The following ITGB6 variants were observed in gnomAD, a reference collection of about 807,000 sequenced individuals.
ITGB6 encodes integrin subunit beta 6, also known as integrin beta-6.
A neutral mutation model predicts 84.5 loss-of-function variants in ITGB6; 80 were observed. The ratio of observed to expected loss-of-function variants is 0.95; its 90% CI spans 0.79 to 1.14. The LOEUF (loss-of-function observed/expected upper bound fraction) is 1.14. Ranked by LOEUF, ITGB6 falls within the 50% of genes most tolerant of loss-of-function variation. The pLI is 0.00. For synonymous variants in ITGB6, 383 were observed against 354.9 expected (o/e 1.08, Z -0.89); for missense variants, 1,006 against 968.0 (o/e 1.04, Z -0.52).
intron 4 of ITGB6, among the ~76,000 whole-genome samples, chr2:160,175,065 CAA>C (rs1685364969): frequency 6.6e-6 from 1 of 152,132 alleles, no homozygotes; most frequent in Non-Finnish European, 1.5e-5. Flanking sequence ...TGTAGAAGCG[CAA>C]AGAGACAAAA....
intron 7 of ITGB6, among the ~76,000 whole-genome samples, chr2:160,162,266 CAT>C (rs1465484393): frequency 2.3e-4 from 35 of 152,096 alleles, no homozygotes; most frequent in African/African-American, 8.2e-4. Flanking sequence ...AAATATATAA[CAT>C]TGAGTCAAAA....
At chr2:160,151,409 C>T (rs1478498675) in intron 7 of ITGB6, among the ~76,000 whole-genome samples, 7 of 152,164 alleles carry the variant, frequency 4.6e-5, no homozygotes, top group African/African-American at 1.4e-4. Context: ...AGAACAAAGA[C>T]ACAACATACC....
At chr2:160,128,245 C>T (rs1369471937) in intron 10 of ITGB6, among the ~76,000 whole-genome samples, 1 of 146,338 alleles carries the variant, frequency 6.8e-6, no homozygotes, top group Non-Finnish European at 1.5e-5. Context: ...AATGCTTGAG[C>T]TAAATTTGAA....
intron 2 of ITGB6, among the ~76,000 whole-genome samples, chr2:160,198,623 T>C (rs575456613): frequency 1.3e-5 from 2 of 152,110 alleles, no homozygotes; most frequent in East Asian, 1.9e-4. Context: ...AGATAAGGAG[T>C]TCCTATTTGG....
At chr2:160,199,108 A>G (rs1686453194) in intron 2 of ITGB6, 71 bp downstream of exon 2, 1 of 1,260,716 alleles carries the variant, frequency 7.9e-7, no homozygotes, top group Non-Finnish European at 1.2e-6. Context: ...TATCAGAAAT[A>G]TCACTGAGGA....
intron 7 of ITGB6, among the ~76,000 whole-genome samples, chr2:160,154,146 T>C (rs929937439): frequency 6.6e-6 from 1 of 152,150 alleles, no homozygotes; most frequent in African/African-American, 2.4e-5. Context: ...ATGTTTATTG[T>C]GGCACTATTC....
At chr2:160,114,347 C>CT (rs1459946198) in intron 12 of ITGB6, among the ~76,000 whole-genome samples, 1 of 152,204 alleles carries the variant, frequency 6.6e-6, no homozygotes, top group Non-Finnish European at 1.5e-5. Flanking sequence ...ATGGATCTCT[C>CT]TTTTTTCCCT....
intron 7 of ITGB6, among the ~76,000 whole-genome samples, chr2:160,160,871 C>T (rs1474119254): frequency 6.6e-6 from 1 of 152,148 alleles, no homozygotes; most frequent in African/African-American, 2.4e-5. Context: ...CTGAATTATG[C>T]AGGAGTGCCC....
intron 13 of ITGB6, 114 bp downstream of exon 13, chr2:160,111,966 A>T: frequency 2.9e-6 from 3 of 1,049,578 alleles, no homozygotes; most frequent in Admixed American, 2.4e-5. Flanking sequence ...AAGAAACTTC[A>T]TCAAAATTTT....
intron 1 of ITGB6, among the ~76,000 whole-genome samples, chr2:160,199,756 A>C (rs1258180960): frequency 6.6e-6 from 1 of 152,230 alleles, no homozygotes; most frequent in Non-Finnish European, 1.5e-5. Context: ...TCCATTGGGC[A>C]GTAATGTTAT....
Position 160,137,535 on chromosome 2 carries a change from C to A in ITGB6, c.1559G>T (p.Gly520Val), listed in dbSNP as rs768254862. 11 of 1,614,058 alleles carry A rather than the reference C, an allele frequency of 6.8e-6. No homozygotes were observed. In the African/African-American group the frequency reaches 1.5e-4, roughly 22 times the overall value. Residue 520 changes from glycine to valine, a missense_variant, in exon 10 of 15, where the codon GGG becomes GTG. Gly to Val is a moderately radical substitution (Grantham distance 109). Coordinates refer to ENST00000283249, the MANE Select transcript of ITGB6 (RefSeq NM_000888.5). ...GGGAGACAAGTGGCAGATACACTGC[C>A]CACAGTAGCAGTCACCCCTTCCGCT... is the stretch of plus-strand genomic sequence containing the variant. ...SCSGRGDCYCGQCICHLSPYG... is the reference protein window; with the variant it reads ...SCSGRGDCYCVQCICHLSPYG...
At chr2:160,137,092 C>T (rs988223449) in intron 10 of ITGB6, among the ~76,000 whole-genome samples, 9 of 150,120 alleles carry the variant, frequency 6.0e-5, no homozygotes, top group African/African-American at 1.2e-4. Flanking sequence ...GTCAGTCAGA[C>T]ACAGCTGCTT....
In ITGB6 at chr2:160,101,453, AG is replaced by A; in HGVS notation, c.*282del. ...TTCAAACATTTTTCAAATGCAAATC[AG>A]GCCCCCATGAATCATTTGATGATTT... On this transcript the variant is annotated 3_prime_UTR_variant, in exon 15 of 15. Coordinates refer to ENST00000283249, the MANE Select transcript of ITGB6 (RefSeq NM_000888.5). 3.1e-6 allele frequency: 1 copy of A among 323,806 alleles called. No homozygotes were observed. Among genetic ancestry groups the A allele is most frequent in the Non-Finnish European group, 5.7e-6 (1 of 176,964 alleles). 20.1% of individuals were successfully genotyped at this position (323,806 alleles called of 1,614,324 possible).
At chr2:160,139,904 A>G (rs1156634703) in intron 8 of ITGB6, among the ~76,000 whole-genome samples, 5 of 152,224 alleles carry the variant, frequency 3.3e-5, no homozygotes, top group African/African-American at 9.6e-5. Flanking sequence ...TGATGATCAG[A>G]TAAGTACACA....
chr2:160,130,447 A>T (rs890212286), intron 10 of ITGB6, among the ~76,000 whole-genome samples: 43 of 152,176 alleles, frequency 2.8e-4, no homozygotes, highest in African/African-American at 9.2e-4. Context: ...TAATGGATTT[A>T]TCCAGACATA....
At chr2:160,102,026 A>G (rs1347125194) in intron 14 of ITGB6, among the ~76,000 whole-genome samples, 192 bp from the exon 15 acceptor site, 1 of 152,210 alleles carries the variant, frequency 6.6e-6, no homozygotes, top group Admixed American at 6.5e-5. Context: ...AATATACAGA[A>G]CAAGTCCCAT....
intron 10 of ITGB6, among the ~76,000 whole-genome samples, chr2:160,133,762 T>C (rs1044921867): frequency 6.6e-6 from 1 of 152,096 alleles, no homozygotes; most frequent in Admixed American, 6.6e-5. Context: ...CACTCGAAAC[T>C]GCTCAACTAC....
In ITGB6 at chr2:160,112,079, C is replaced by A; in HGVS notation, c.2101+1G>T. 1 of 1,612,098 alleles carries A rather than the reference C, an allele frequency of 6.2e-7. No homozygotes were observed. The highest frequency in any genetic ancestry group is 1.7e-5 in the Admixed American group (1 of 59,238). ...TCGGCAATGGAAGGCAAAACACCCA[C>A]CTTTTTCATTGATGCTGTGAATGAT... is the stretch of plus-strand genomic sequence containing the variant. On this transcript the variant is annotated splice_donor_variant, in intron 13 of 14. Transcript: ENST00000283249. LOFTEE classifies it high-confidence loss of function.
At chr2:160,182,627 C>G (rs1006431861) in intron 4 of ITGB6, among the ~76,000 whole-genome samples, 36 of 152,218 alleles carry the variant, frequency 2.4e-4, no homozygotes, top group African/African-American at 8.2e-4. Context: ...CATTCAAATT[C>G]AGGAAATACA....
Sources: allele counts gnomAD v4.1 joint callset (sites outside exome capture counted in the v4.1 genomes callset), GRCh38; gene constraint gnomAD v4.1.1; transcripts MANE v1.5; gene names NCBI Gene and HGNC (gene_info 2026-07-23, HGNC 2026-07-21).